The following CDIN1 variants were observed in gnomAD, a reference collection of about 807,000 sequenced individuals.
CDIN1 encodes CDAN1 interacting nuclease 1, also known as CDAN1-interacting nuclease 1.
In CDIN1, 33 loss-of-function variants were observed where a neutral mutation model predicts 45.3. The ratio of observed to expected loss-of-function variants is 0.73; its 90% CI spans 0.55 to 0.97. The LOEUF (loss-of-function observed/expected upper bound fraction) is 0.97. Among genes scored for constraint, CDIN1 ranks in the 50% least tolerant of loss-of-function variants. The pLI is 0.00. For missense variants in CDIN1, 303 were observed against 339.4 expected (o/e 0.89, Z 0.84); for synonymous variants, 118 against 124.4 (o/e 0.95, Z 0.34).
rs80059124 is a variant in CDIN1, at chr15:36,791,365, A to C, written c.717-16959A>C. ...ACAAGACACTTGCCTGCATAGCACA[A>C]ACTATCTAGTGGAGGAGATAAACAT... is the stretch of plus-strand genomic sequence containing the variant. On this transcript the variant is annotated intron_variant, in intron 10 of 10. Coordinates refer to ENST00000566621, the MANE Select transcript of CDIN1 (RefSeq NM_001321759.2). Among the ~76,000 whole-genome samples, 1,124 of 152,318 alleles carry C rather than the reference A, an allele frequency of 7.4e-3. 15 individuals are homozygous for C. The highest frequency in any genetic ancestry group is 0.026 in the African/African-American group (1,088 of 41,556).
rs35313314 is a variant in CDIN1 at position 36,592,078 on chromosome 15, A to AT, written c.101+12128dup. Among the ~76,000 whole-genome samples the AT allele has an allele frequency of 3.1e-4, 46 of 150,760 alleles. 1 individual carries two copies. The East Asian group carries it at 3.7e-3, about 12-fold the overall frequency. ...TCTTTAGAAAGCAGCTCTAGATCTG[A>AT]TTTTTTTTTTTAAGAAAAAATAAAA... On this transcript the variant is annotated intron_variant, in intron 1 of 10. Coordinates refer to ENST00000566621, the MANE Select transcript of CDIN1 (RefSeq NM_001321759.2).
At chr15:36,694,992 G>T (rs2140737475) in intron 7 of CDIN1, among the ~76,000 whole-genome samples, 1 of 152,326 alleles carries the variant, frequency 6.6e-6, no homozygotes, top group Middle Eastern at 3.4e-3. Context: ...GAAATTTTGT[G>T]ATTTAAAAAT....
intron 3 of CDIN1, among the ~76,000 whole-genome samples, chr15:36,652,757 T>C (rs1187963701): frequency 6.6e-6 from 1 of 152,198 alleles, no homozygotes; most frequent in East Asian, 1.9e-4. Context: ...AATTTGCTGT[T>C]ACCCCACTTT....
intron 10 of CDIN1, among the ~76,000 whole-genome samples, chr15:36,759,156 G>T (rs2053689017): frequency 6.6e-6 from 1 of 152,080 alleles, no homozygotes; most frequent in South Asian, 2.1e-4. Flanking sequence ...AGGGGTGCAG[G>T]ACCCCAGCAG....
intron 5 of CDIN1, among the ~76,000 whole-genome samples, chr15:36,680,415 A>C (rs1157546034): frequency 6.6e-6 from 1 of 152,194 alleles, no homozygotes. Flanking sequence ...AATTTCAACA[A>C]CACGGCAGAG....
chr15:36,713,752 C>T (rs2043133763), intron 10 of CDIN1, among the ~76,000 whole-genome samples: 1 of 152,148 alleles, frequency 6.6e-6, no homozygotes. Context: ...CCTTCTTTGC[C>T]ACATAAACTA....
chr15:36,677,531 G>C (rs2041691471), intron 5 of CDIN1, among the ~76,000 whole-genome samples: 1 of 151,976 alleles, frequency 6.6e-6, no homozygotes, highest in Admixed American at 6.6e-5. Flanking sequence ...AAAACCCCCA[G>C]ATACTTAAAG....
intron 10 of CDIN1, among the ~76,000 whole-genome samples, chr15:36,741,623 A>G (rs1404346139): frequency 6.6e-6 from 1 of 152,146 alleles, no homozygotes; most frequent in African/African-American, 2.4e-5. Context: ...GAAGGCTGAC[A>G]TCAAAGTATC....
intron 1 of CDIN1, among the ~76,000 whole-genome samples, chr15:36,601,334 A>G (rs547265544): frequency 2.6e-5 from 4 of 152,234 alleles, no homozygotes; most frequent in East Asian, 3.9e-4. Context: ...TCCTTTTTCT[A>G]TACCCCATTT....
intron 5 of CDIN1, among the ~76,000 whole-genome samples, chr15:36,677,376 A>G (rs996055981): frequency 3.9e-5 from 6 of 152,124 alleles, no homozygotes; most frequent in African/African-American, 1.4e-4. Context: ...GTTAAGAATC[A>G]TCTGTTTAGA....
chr15:36,740,803 C>A (rs942172737), intron 10 of CDIN1, among the ~76,000 whole-genome samples: 1 of 151,614 alleles, frequency 6.6e-6, no homozygotes, highest in Non-Finnish European at 1.5e-5. Context: ...GCAGGAGAAT[C>A]GCTTGAACCC....
At chr15:36,802,761 G>T (rs963030373) in intron 10 of CDIN1, among the ~76,000 whole-genome samples, 1 of 152,056 alleles carries the variant, frequency 6.6e-6, no homozygotes, top group African/African-American at 2.4e-5. Context: ...GAGAGTTACA[G>T]GAAACCTTGA....
At chr15:36,798,225 T>C (rs919098755) in intron 10 of CDIN1, among the ~76,000 whole-genome samples, 1 of 152,166 alleles carries the variant, frequency 6.6e-6, no homozygotes, top group African/African-American at 2.4e-5. Flanking sequence ...AAGTGTTTGT[T>C]TGATAACTGC....
intron 3 of CDIN1, among the ~76,000 whole-genome samples, chr15:36,649,761 C>T (rs755963944): frequency 9.2e-5 from 14 of 152,266 alleles, no homozygotes; most frequent in Non-Finnish European, 1.5e-4. Flanking sequence ...CACCCCGAAT[C>T]GATAATTCTT....
intron 1 of CDIN1, among the ~76,000 whole-genome samples, chr15:36,627,944 T>A (rs2039515355): frequency 2.3e-5 from 2 of 88,072 alleles, no homozygotes; most frequent in African/African-American, 3.5e-5. Flanking sequence ...GGCCTGTAAT[T>A]TTTTTTTTTT....
chr15:36,645,313 G>A, intron 3 of CDIN1, 26 bp downstream of exon 3: 1 of 1,496,998 alleles, frequency 6.7e-7, no homozygotes, highest in South Asian at 1.2e-5. Context: ...CCCACTAGAG[G>A]GTATCATAGT....
chr15:36,793,654 C>T (rs1282627230), intron 10 of CDIN1, among the ~76,000 whole-genome samples: 2 of 152,200 alleles, frequency 1.3e-5, no homozygotes, highest in Non-Finnish European at 2.9e-5. Context: ...CAGGCATGAT[C>T]CTTCAACTGT....
At chr15:36,807,733 T>C (rs2055276792) in intron 10 of CDIN1, among the ~76,000 whole-genome samples, 1 of 152,204 alleles carries the variant, frequency 6.6e-6, no homozygotes, top group South Asian at 2.1e-4. Context: ...TTATGCTGTG[T>C]CCACACTTAA....
chr15:36,593,786 G>A (rs897865786), intron 1 of CDIN1, among the ~76,000 whole-genome samples: 4 of 152,040 alleles, frequency 2.6e-5, no homozygotes, highest in African/African-American at 7.2e-5. Flanking sequence ...GGATGGTCTC[G>A]ATCTCCTGAC....
Sources: gnomAD v4.1 joint callset for allele counts (sites outside exome capture counted in the v4.1 genomes callset) on GRCh38, gnomAD v4.1.1 for gene constraint, MANE v1.5 for transcripts, NCBI Gene and HGNC (gene_info 2026-07-23, HGNC 2026-07-21) for gene names.